SMOC2: variants seen among roughly 807,000 people sequenced by gnomAD.
The protein encoded by SMOC2 is SPARC-related modular calcium-binding protein 2.
SMOC2 carries 39 observed loss-of-function variants against 61.4 expected under a neutral mutation model. The observed-to-expected ratio is 0.64, with a 90% CI of 0.49 to 0.83. The LOEUF is 0.83. Among genes scored for constraint, SMOC2 ranks in the 40% least tolerant of loss-of-function variants. The probability of loss-of-function intolerance (pLI) is 0.00; values close to 1 mark genes in which losing one functional copy is unlikely to be tolerated. For synonymous variants in SMOC2, 247 were observed against 239.9 expected (o/e 1.03, Z -0.27); for missense variants, 556 against 592.9 (o/e 0.94, Z 0.65).
At chr6:168,658,364 A>G (rs1787379718) in intron 11 of SMOC2, among the ~76,000 whole-genome samples, 1 of 152,216 alleles carries the variant, frequency 6.6e-6, no homozygotes, top group African/African-American at 2.4e-5. Flanking sequence ...GGTCATAATG[A>G]GAAAATTAAG....
chr6:168,612,699 G>T (rs1785912171), intron 9 of SMOC2, among the ~76,000 whole-genome samples: 1 of 152,238 alleles, frequency 6.6e-6, no homozygotes, highest in Admixed American at 6.5e-5. Flanking sequence ...GCTTGCCTCA[G>T]CTGCGGCACC....
At chr6:168,564,822 G>A (rs1784507677) in intron 7 of SMOC2, among the ~76,000 whole-genome samples, 3 of 152,188 alleles carry the variant, frequency 2.0e-5, no homozygotes, top group South Asian at 2.1e-4. Flanking sequence ...CTAAGGCAGC[G>A]GGTCTCACTG....
intron 2 of SMOC2, among the ~76,000 whole-genome samples, chr6:168,523,327 A>G (rs1263960088): frequency 2.7e-5 from 4 of 148,614 alleles, no homozygotes; most frequent in Non-Finnish European, 5.9e-5. Context: ...TGACCTCAAG[A>G]TCCACCCGCC....
chr6:168,571,307 G>A (rs114930003), intron 7 of SMOC2, among the ~76,000 whole-genome samples: 3,173 of 152,306 alleles, frequency 0.021, 73 homozygotes, highest in African/African-American at 0.057. Context: ...ACACCGGTGG[G>A]TGTGTGAATA....
chr6:168,664,055 C>CTTTTTTTTTTTT lies in SMOC2; in HGVS notation c.1286-9_1286-8insTTTTTTTTTTTT. On this transcript the variant is annotated intron_variant, in intron 11 of 12. Coordinates refer to ENST00000356284, the MANE Select transcript of SMOC2 (RefSeq NM_001166412.2). ...ATGAGTCTCTGATTTTTAATAATAT[C>CTTTTTTTTTTTT]TTTTTTTTTTCCTGCTAGCCCCCAG... 7.0e-7 allele frequency: 1 copy of CTTTTTTTTTTTT among 1,423,898 alleles called. No individual in the cohort carries two copies. The highest frequency in any genetic ancestry group is 9.6e-7 in the Non-Finnish European group (1 of 1,044,912). The allele number at this position is 1,423,898 out of a possible 1,614,324, so 88.2% of individuals were successfully genotyped here.
intron 4 of SMOC2, among the ~76,000 whole-genome samples, chr6:168,533,050 A>G (rs149983676): frequency 2.5e-3 from 376 of 152,302 alleles, no homozygotes; most frequent in African/African-American, 8.6e-3. Flanking sequence ...GATACCTGTG[A>G]CAGGCAGCAG....
chr6:168,613,836 C>T (rs1201864752), intron 9 of SMOC2, among the ~76,000 whole-genome samples: 1 of 125,482 alleles, frequency 8.0e-6, no homozygotes, highest in African/African-American at 3.1e-5. Context: ...GACCTCTTCA[C>T]ACCTACAGCC....
intron 1 of SMOC2, among the ~76,000 whole-genome samples, chr6:168,504,429 A>C (rs1562559679): frequency 6.7e-6 from 1 of 150,162 alleles, no homozygotes; most frequent in South Asian, 2.2e-4. Flanking sequence ...AGAGATCATC[A>C]GGCATTAGAT....
chr6:168,527,759 C>T, intron 4 of SMOC2, 32 bp downstream of exon 4: 1 of 1,400,984 alleles, frequency 7.1e-7, no homozygotes, highest in Non-Finnish European at 9.9e-7. Flanking sequence ...AAGTGGAAGG[C>T]TTGAAGGGAA....
At chr6:168,649,182 C>T (rs914931464) in intron 9 of SMOC2, among the ~76,000 whole-genome samples, 2 of 152,238 alleles carry the variant, frequency 1.3e-5, no homozygotes, top group African/African-American at 4.8e-5. Flanking sequence ...CTGGGCTCTG[C>T]AGCTCTCCGC....
intron 1 of SMOC2, among the ~76,000 whole-genome samples, chr6:168,490,377 A>T (rs552355249): frequency 3.3e-5 from 5 of 152,308 alleles, no homozygotes; most frequent in African/African-American, 1.2e-4. Context: ...GAAGGTCATG[A>T]TATTTTCTTG....
intron 1 of SMOC2, among the ~76,000 whole-genome samples, chr6:168,498,035 C>T (rs1489412339): frequency 6.6e-6 from 1 of 152,156 alleles, no homozygotes; most frequent in Admixed American, 6.5e-5. Flanking sequence ...GGAGCCGTTT[C>T]TCTTCACCAG....
At chr6:168,633,107 G>A (rs972229621) in intron 9 of SMOC2, among the ~76,000 whole-genome samples, 1 of 152,188 alleles carries the variant, frequency 6.6e-6, no homozygotes, top group Non-Finnish European at 1.5e-5. Flanking sequence ...GTAGGGCTGA[G>A]ATGACTTCAT....
At chr6:168,656,504 T>G (rs1787324599) in intron 11 of SMOC2, among the ~76,000 whole-genome samples, 1 of 93,846 alleles carries the variant, frequency 1.1e-5, no homozygotes, top group African/African-American at 3.6e-5. Flanking sequence ...CAAGACTTTG[T>G]GTTAAAAAAA....
At chr6:168,531,521 C>T (rs892608470) in intron 4 of SMOC2, among the ~76,000 whole-genome samples, 4 of 152,130 alleles carry the variant, frequency 2.6e-5, no homozygotes, top group African/African-American at 7.2e-5. Context: ...AAAGACACAT[C>T]CCTGAGCCTG....
At chr6:168,457,959 G>A (rs1380014764) in intron 1 of SMOC2, among the ~76,000 whole-genome samples, 2 of 152,110 alleles carry the variant, frequency 1.3e-5, no homozygotes, top group African/African-American at 4.8e-5. Context: ...GGGGTGGCCG[G>A]TCTTTCCCAC....
chr6:168,472,477 T>C (rs1781985796), intron 1 of SMOC2, among the ~76,000 whole-genome samples: 1 of 151,928 alleles, frequency 6.6e-6, no homozygotes, highest in Admixed American at 6.6e-5. Flanking sequence ...AATTTTTAAA[T>C]TGCTCCCTTA....
chr6:168,600,172 G>A (rs1414822943), intron 8 of SMOC2, among the ~76,000 whole-genome samples: 10 of 152,068 alleles, frequency 6.6e-5, no homozygotes, highest in African/African-American at 2.2e-4. Flanking sequence ...GTGGGAGGCC[G>A]AGGCGGGTGG....
chr6:168,649,726 C>G (rs1405778476), intron 9 of SMOC2, among the ~76,000 whole-genome samples: 2 of 152,180 alleles, frequency 1.3e-5, no homozygotes, highest in African/African-American at 4.8e-5. Context: ...CTACCTCTTG[C>G]ATTTGCTTAT....
Sources: gnomAD v4.1 joint callset for allele counts (sites outside exome capture counted in the v4.1 genomes callset) on GRCh38, gnomAD v4.1.1 for gene constraint, MANE v1.5 for transcripts, NCBI Gene and HGNC (gene_info 2026-07-23, HGNC 2026-07-21) for gene names.